The following DIAPH2 variants were observed in gnomAD, a reference collection of about 807,000 sequenced individuals.
DIAPH2 encodes diaphanous related formin 2.
Under a neutral mutation model 92.7 loss-of-function variants are expected in DIAPH2, and 35 were observed. The observed-to-expected ratio is 0.38, with a 90% CI of 0.29 to 0.50. The LOEUF is 0.50. Ranked by LOEUF, DIAPH2 falls within the 20% of genes least tolerant of loss-of-function variation. DIAPH2 has a pLI of 0.94. For missense variants in DIAPH2, 701 were observed against 819.5 expected (o/e 0.86, Z 1.77); for synonymous variants, 301 against 280.4 (o/e 1.07, Z -0.73).
At chrX:97,195,127 T>C (rs1183351358) in intron 22 of DIAPH2, among the ~76,000 whole-genome samples, 2 of 112,136 alleles carry the variant, frequency 1.8e-5, no homozygotes, top group Admixed American at 9.5e-5. Context: ...GATAGATATG[T>C]GTCACTTGAT....
intron 9 of DIAPH2, among the ~76,000 whole-genome samples, chrX:96,921,405 C>G (rs1344653659): frequency 8.9e-6 from 1 of 111,749 alleles, no homozygotes; most frequent in Non-Finnish European, 1.9e-5. Flanking sequence ...AGATTATACA[C>G]CAGCAGCTTC....
chrX:97,096,913 A>C (rs2066873156), intron 19 of DIAPH2, among the ~76,000 whole-genome samples: 1 of 110,846 alleles, frequency 9.0e-6, no homozygotes, highest in Non-Finnish European at 1.9e-5. Context: ...CCTTTACAAA[A>C]TGTCTTTCCT....
At chrX:97,536,377 T>A (rs1001022546) in intron 26 of DIAPH2, among the ~76,000 whole-genome samples, 4 of 112,080 alleles carry the variant, frequency 3.6e-5, no homozygotes, top group African/African-American at 1.3e-4. Context: ...AATGAAAATA[T>A]CATATGAGTC....
chrX:96,812,973 G>A (rs1481046332), intron 4 of DIAPH2, among the ~76,000 whole-genome samples: 1 of 111,688 alleles, frequency 9.0e-6, no homozygotes, highest in Non-Finnish European at 1.9e-5. Context: ...AGTGTGATGT[G>A]GTGCTGAGAA....
At chrX:96,790,604 A>T (rs1422166213) in intron 4 of DIAPH2, among the ~76,000 whole-genome samples, 1 of 111,560 alleles carries the variant, frequency 9.0e-6, no homozygotes, top group Non-Finnish European at 1.9e-5. Flanking sequence ...TCACTTTGCA[A>T]ATAATTGCAG....
intron 20 of DIAPH2, among the ~76,000 whole-genome samples, chrX:97,111,472 A>C (rs1419439576): frequency 1.8e-5 from 2 of 111,968 alleles, no homozygotes; most frequent in Non-Finnish European, 3.8e-5. Context: ...CAGGTGACAA[A>C]CTGTACCAAA....
At chrX:97,206,105 G>T (rs2067793995) in intron 22 of DIAPH2, among the ~76,000 whole-genome samples, 1 of 111,075 alleles carries the variant, frequency 9.0e-6, no homozygotes, top group African/African-American at 3.3e-5. Context: ...GTTGAACAAT[G>T]AGAACACATG....
At chrX:97,246,577 G>A (rs1298797483) in intron 22 of DIAPH2, among the ~76,000 whole-genome samples, 2 of 112,267 alleles carry the variant, frequency 1.8e-5, no homozygotes, top group African/African-American at 6.5e-5. Context: ...TCCTCATTGA[G>A]TTATAAAGAT....
At chrX:97,492,135 G>A (rs1602625528) in intron 26 of DIAPH2, among the ~76,000 whole-genome samples, 1 of 111,537 alleles carries the variant, frequency 9.0e-6, no homozygotes, top group East Asian at 2.8e-4. Context: ...GTTATTTACA[G>A]TCCACCATTA....
At chrX:97,409,937 G>C (rs1011785903) in intron 25 of DIAPH2, among the ~76,000 whole-genome samples, 1 of 112,595 alleles carries the variant, frequency 8.9e-6, no homozygotes, top group Non-Finnish European at 1.9e-5. Flanking sequence ...CCCAACTCTG[G>C]GGGCAGGGCA....
At chrX:97,201,219 G>A (rs1364308115) in intron 22 of DIAPH2, among the ~76,000 whole-genome samples, 2 of 101,687 alleles carry the variant, frequency 2.0e-5, no homozygotes, top group Non-Finnish European at 3.9e-5. Flanking sequence ...AAAAACCAGC[G>A]CAAAAACTCT....
At chrX:97,227,132 G>A (rs1035609045) in intron 22 of DIAPH2, among the ~76,000 whole-genome samples, 4 of 110,564 alleles carry the variant, frequency 3.6e-5, no homozygotes, top group Admixed American at 1.9e-4. Context: ...AAAATGAGCC[G>A]GGCATGGTGG....
chrX:97,013,518 C>A (rs1439702993), intron 17 of DIAPH2, among the ~76,000 whole-genome samples: 2 of 112,276 alleles, frequency 1.8e-5, no homozygotes, highest in Non-Finnish European at 3.8e-5. Flanking sequence ...CAGACCAAGG[C>A]AATGCTCAGC....
At chrX:96,884,259 A>G in intron 5 of DIAPH2, 2 of 1,096,377 alleles carry the variant, frequency 1.8e-6, no homozygotes, top group Non-Finnish European at 2.5e-6. Context: ...CCGTCCGTGG[A>G]GCCCCAGACG....
chrX:96,891,901 A>C (rs749380141), intron 5 of DIAPH2, among the ~76,000 whole-genome samples: 9 of 112,251 alleles, frequency 8.0e-5, no homozygotes, highest in Non-Finnish European at 1.5e-4. Flanking sequence ...ATATCTTTTC[A>C]AGTTGATACA....
intron 26 of DIAPH2, among the ~76,000 whole-genome samples, chrX:97,512,442 G>A (rs1312769866): frequency 8.9e-6 from 1 of 112,178 alleles, no homozygotes; most frequent in Non-Finnish European, 1.9e-5. Context: ...CAATTTTGTT[G>A]ATCCTTTTAA....
chrX:97,481,226 C>T (rs764178617), intron 26 of DIAPH2, among the ~76,000 whole-genome samples: 5 of 111,868 alleles, frequency 4.5e-5, no homozygotes, highest in Non-Finnish European at 9.4e-5. Context: ...ATTATTCTGA[C>T]ACTTGTTAAA....
intron 26 of DIAPH2, among the ~76,000 whole-genome samples, chrX:97,567,323 A>T (rs1208994898): frequency 1.8e-5 from 2 of 112,173 alleles, no homozygotes; most frequent in Non-Finnish European, 3.8e-5. Context: ...CCACTAAATG[A>T]ATACAGAAAG....
chrX:97,135,105 C>T (rs1044944585), intron 21 of DIAPH2, among the ~76,000 whole-genome samples: 1 of 111,846 alleles, frequency 8.9e-6, no homozygotes, highest in African/African-American at 3.3e-5. Flanking sequence ...TAGTTGTGTA[C>T]ACAAAATTAT....
Sources: allele counts gnomAD v4.1 joint callset (sites outside exome capture counted in the v4.1 genomes callset), GRCh38; gene constraint gnomAD v4.1.1; transcripts MANE v1.5; gene names NCBI Gene and HGNC (gene_info 2026-07-23, HGNC 2026-07-21).